The following MPPED1 variants were observed in gnomAD, a reference collection of about 807,000 sequenced individuals.
MPPED1 encodes the protein metallophosphoesterase domain-containing protein 1.
In MPPED1, 16 loss-of-function variants were observed where a neutral mutation model predicts 36.2. The ratio of observed to expected loss-of-function variants is 0.44; its 90% CI spans 0.30 to 0.67. The LOEUF (loss-of-function observed/expected upper bound fraction) is 0.67, where lower values mean the gene tolerates loss of function less well. MPPED1 is among the 30% of genes least tolerant of loss of function. The pLI, the probability that MPPED1 is intolerant of heterozygous loss-of-function variation, is 0.10. For missense variants in MPPED1, 307 were observed against 453.4 expected (o/e 0.68, Z 2.93); for synonymous variants, 199 against 191.3 (o/e 1.04, Z -0.33).
intron 2 of MPPED1, 54 bp from the exon 3 acceptor site, chr22:43,434,980 C>A (rs62234091): frequency 3.2e-6 from 5 of 1,573,932 alleles, no homozygotes; most frequent in Non-Finnish European, 4.3e-6. Flanking sequence ...ACACACCACC[C>A]GCAGGCTCGC....
intron 4 of MPPED1, among the ~76,000 whole-genome samples, chr22:43,482,068 G>A (rs1053107500): frequency 2.0e-5 from 3 of 152,176 alleles, no homozygotes; most frequent in African/African-American, 7.2e-5. Flanking sequence ...TTAGCGGAAG[G>A]GGGCGGGAAC....
chr22:43,426,635 G>A (rs888188290), intron 2 of MPPED1, among the ~76,000 whole-genome samples: 5 of 152,276 alleles, frequency 3.3e-5, no homozygotes, highest in South Asian at 2.1e-4. Context: ...GCGACCTCCC[G>A]TCCCTGTGTG....
At chr22:43,495,527 GTGGTGGTGGAGA>G (rs1932266074) in intron 4 of MPPED1, among the ~76,000 whole-genome samples, 2 of 131,572 alleles carry the variant, frequency 1.5e-5, no homozygotes, top group South Asian at 2.6e-4. Context: ...GGTGGAGGTG[GTGGTGGTGGAGA>G]TGGTGGTGGT....
intron 3 of MPPED1, among the ~76,000 whole-genome samples, chr22:43,468,713 G>GACCC (rs1931258053): frequency 1.3e-5 from 2 of 152,296 alleles, no homozygotes; most frequent in Non-Finnish European, 2.9e-5. Flanking sequence ...CCTCGCCAGG[G>GACCC]TCTGGAACAC....
At chr22:43,421,802 A>G (rs1033692028) in intron 1 of MPPED1, among the ~76,000 whole-genome samples, 1 of 152,212 alleles carries the variant, frequency 6.6e-6, no homozygotes, top group African/African-American at 2.4e-5. Flanking sequence ...CCGTGGGGTG[A>G]TCATGTTATA....
chr22:43,419,385 C>T (rs1355016848), intron 1 of MPPED1, among the ~76,000 whole-genome samples: 1 of 152,090 alleles, frequency 6.6e-6, no homozygotes, highest in African/African-American at 2.4e-5. Flanking sequence ...ACTGAGTGGG[C>T]TTGTGTCAGG....
chr22:43,424,816 G>T, intron 1 of MPPED1, 92 bp from the exon 2 acceptor site: 2 of 1,405,350 alleles, frequency 1.4e-6, no homozygotes, highest in South Asian at 3.0e-5. Flanking sequence ...CTCTCCCCCC[G>T]CCCTCTCCCT....
At chr22:43,449,578 T>C (rs985489995) in intron 3 of MPPED1, among the ~76,000 whole-genome samples, 3 of 151,998 alleles carry the variant, frequency 2.0e-5, no homozygotes, top group African/African-American at 7.2e-5. Context: ...CCTGCCTCGA[T>C]CCCCTGCTCG....
At chr22:43,472,882 A>G (rs950066441) in intron 3 of MPPED1, among the ~76,000 whole-genome samples, 1 of 152,162 alleles carries the variant, frequency 6.6e-6, no homozygotes, top group Admixed American at 6.5e-5. Flanking sequence ...TGCTATTAGG[A>G]TATAATAATG....
chr22:43,423,268 G>T (rs1929340771), intron 1 of MPPED1, among the ~76,000 whole-genome samples: 1 of 152,220 alleles, frequency 6.6e-6, no homozygotes, highest in South Asian at 2.1e-4. Flanking sequence ...CTCAGAGTAT[G>T]CGGCGTCCTG....
At chr22:43,470,191 ACCAT>A (rs773858975) in intron 3 of MPPED1, among the ~76,000 whole-genome samples, 12 of 151,624 alleles carry the variant, frequency 7.9e-5, no homozygotes, top group Non-Finnish European at 1.5e-4. Flanking sequence ...CCATCCATAA[ACCAT>A]CCATCTATCC....
chr22:43,486,797 G>T (rs1569085767), intron 4 of MPPED1, among the ~76,000 whole-genome samples: 1 of 152,066 alleles, frequency 6.6e-6, no homozygotes, highest in African/African-American at 2.4e-5. Flanking sequence ...GCAGAGGGGT[G>T]TGAGCATCCT....
intron 3 of MPPED1, among the ~76,000 whole-genome samples, chr22:43,462,828 C>G (rs1236726942): frequency 6.6e-6 from 1 of 152,166 alleles, no homozygotes; most frequent in Non-Finnish European, 1.5e-5. Flanking sequence ...CATCTCCTTT[C>G]ACCTTTCTTC....
intron 4 of MPPED1, among the ~76,000 whole-genome samples, chr22:43,494,694 A>AGTGGTGGTAGTGGTG (rs1555904083): frequency 7.3e-6 from 1 of 136,814 alleles, no homozygotes; most frequent in South Asian, 2.3e-4. Context: ...TTTGATTCAC[A>AGTGGTGGTAGTGGTG]GTGGTGGTGG....
intron 3 of MPPED1, among the ~76,000 whole-genome samples, chr22:43,469,842 T>C (rs7293039): frequency 1.3e-3 from 194 of 152,208 alleles, no homozygotes; most frequent in African/African-American, 4.4e-3. Flanking sequence ...CATCTGTCAG[T>C]TCACCTATCC....
At position 43,501,467 on chromosome 22, in the gene MPPED1, C is replaced by T. The variant is rs181913863; in HGVS notation, c.749-1177C>T. Reference sequence around the variant, plus strand: ...CTTCCTGCTCTCCAGACGCCCCGCCCGGGCCCCTTCACACACCGCCCGGCT... The same window carrying T: ...CTTCCTGCTCTCCAGACGCCCCGCCTGGGCCCCTTCACACACCGCCCGGCT... On this transcript the variant is annotated intron_variant, in intron 5 of 6. Transcript: ENST00000443721. Among the ~76,000 whole-genome samples the T allele has an allele frequency of 4.0e-4, 61 of 152,270 alleles. 2 individuals are homozygous for T. In the Middle Eastern group the frequency reaches 0.014, roughly 34 times the overall value.
intron 3 of MPPED1, among the ~76,000 whole-genome samples, chr22:43,453,499 C>T (rs1247577353): frequency 1.3e-5 from 2 of 152,146 alleles, no homozygotes; most frequent in Non-Finnish European, 2.9e-5. Flanking sequence ...GTATAGCCTT[C>T]CAGTCCTGCG....
chr22:43,428,168 G>A (rs1047515089), intron 2 of MPPED1, among the ~76,000 whole-genome samples: 6 of 152,174 alleles, frequency 3.9e-5, no homozygotes, highest in African/African-American at 7.2e-5. Context: ...GATGGTAAGT[G>A]CTATGGAGAA....
chr22:43,430,099 AGAGGTCCTTTC>A (rs1929622010), intron 2 of MPPED1, among the ~76,000 whole-genome samples: 1 of 152,188 alleles, frequency 6.6e-6, no homozygotes, highest in Non-Finnish European at 1.5e-5. Flanking sequence ...GGAAGGGACT[AGAGGTCCTTTC>A]CTACTAAAGG....
Sources: gnomAD v4.1 joint callset for allele counts (sites outside exome capture counted in the v4.1 genomes callset) on GRCh38, gnomAD v4.1.1 for gene constraint, MANE v1.5 for transcripts, NCBI Gene and HGNC (gene_info 2026-07-23, HGNC 2026-07-21) for gene names.